The following CDH13 variants were observed in gnomAD, a reference collection of about 807,000 sequenced individuals.
The protein encoded by CDH13 is cadherin 13.
In CDH13, 24 loss-of-function variants were observed where a neutral mutation model predicts 63.8. The ratio of observed to expected loss-of-function variants is 0.38; its 90% CI spans 0.27 to 0.53. CDH13 has a LOEUF of 0.53. Among genes scored for constraint, CDH13 ranks in the 20% least tolerant of loss-of-function variants. The pLI, the probability that CDH13 is intolerant of heterozygous loss-of-function variation, is 0.85. For synonymous variants in CDH13, 503 were observed against 355.3 expected (o/e 1.42, Z -4.67); for missense variants, 1,049 against 903.1 (o/e 1.16, Z -2.07).
intron 6 of CDH13, among the ~76,000 whole-genome samples, chr16:83,371,222 C>T (rs1282025483): frequency 6.6e-6 from 1 of 152,176 alleles, no homozygotes. Context: ...CATAAAGATG[C>T]CTGTACTTTT....
At chr16:82,805,656 C>T (rs1044236673) in intron 1 of CDH13, among the ~76,000 whole-genome samples, 2 of 152,118 alleles carry the variant, frequency 1.3e-5, no homozygotes, top group African/African-American at 4.8e-5. Context: ...TAAAAATCTA[C>T]TTTGGAGACT....
intron 1 of CDH13, among the ~76,000 whole-genome samples, chr16:82,816,533 A>G (rs1178602447): frequency 6.6e-6 from 1 of 152,104 alleles, no homozygotes; most frequent in African/African-American, 2.4e-5. Context: ...TGAGGCATCA[A>G]CATTTGAGCT....
At chr16:83,518,864 C>T (rs1189944936) in intron 7 of CDH13, among the ~76,000 whole-genome samples, 1 of 152,166 alleles carries the variant, frequency 6.6e-6, no homozygotes, top group African/African-American at 2.4e-5. Context: ...CCCCTTTCAC[C>T]ATGATTGTAC....
At chr16:83,276,427 A>G (rs1289619839) in intron 5 of CDH13, among the ~76,000 whole-genome samples, 2 of 151,972 alleles carry the variant, frequency 1.3e-5, no homozygotes, top group African/African-American at 4.8e-5. Context: ...CCTCTCAAAC[A>G]CCTTTGAGTT....
chr16:83,184,115 C>T (rs182962951), intron 4 of CDH13, among the ~76,000 whole-genome samples: 15 of 147,640 alleles, frequency 1.0e-4, no homozygotes, highest in African/African-American at 2.8e-4. Context: ...CACACACACA[C>T]ACACACACAC....
chr16:83,542,075 G>A (rs1321330244), intron 7 of CDH13, among the ~76,000 whole-genome samples: 1 of 152,188 alleles, frequency 6.6e-6, no homozygotes, highest in Non-Finnish European at 1.5e-5. Context: ...TCACCCCAGA[G>A]CTTGCTAGAA....
At chr16:83,277,595 CCT>C (rs1330752078) in intron 5 of CDH13, among the ~76,000 whole-genome samples, 17 of 152,052 alleles carry the variant, frequency 1.1e-4, no homozygotes, top group Non-Finnish European at 2.2e-4. Context: ...TGCGTTCATC[CCT>C]CTCATATCTC....
chr16:82,706,748 G>C lies in CDH13; in HGVS notation c.45+79611G>C, dbSNP rs11865324. ...GAACCCAGGAGACGGAGGTTGCGGTGAGCTGAGATCATGCCGCTGTACTCC... is the reference window on the plus strand; with the variant it reads ...GAACCCAGGAGACGGAGGTTGCGGTCAGCTGAGATCATGCCGCTGTACTCC... On this transcript the variant is annotated intron_variant, in intron 1 of 13. Coordinates refer to ENST00000567109, the MANE Select transcript of CDH13 (RefSeq NM_001257.5). Among the ~76,000 whole-genome samples the C allele has an allele frequency of 4.7e-3, 711 of 151,988 alleles. 5 individuals carry two copies. Among genetic ancestry groups the C allele is most frequent in the African/African-American group, 0.015 (610 of 41,434 alleles).
At chr16:83,026,293 G>A in intron 2 of CDH13, among the ~76,000 whole-genome samples, 1 of 152,154 alleles carries the variant, frequency 6.6e-6, no homozygotes, top group East Asian at 1.9e-4. Flanking sequence ...CCAGAGCTTG[G>A]GCTGTAGAGG....
chr16:82,821,310 A>G (rs952145993), intron 1 of CDH13, among the ~76,000 whole-genome samples: 1 of 152,206 alleles, frequency 6.6e-6, no homozygotes, highest in Non-Finnish European at 1.5e-5. Context: ...TCTTTCCAAG[A>G]GGAAATTGTC....
At chr16:83,264,538 G>A (rs1217526538) in intron 5 of CDH13, among the ~76,000 whole-genome samples, 1 of 99,582 alleles carries the variant, frequency 1.0e-5, no homozygotes, top group Non-Finnish European at 2.0e-5. Flanking sequence ...GTATATGTGT[G>A]TGTATATATA....
chr16:83,184,932 A>AT (rs66615885), intron 4 of CDH13, among the ~76,000 whole-genome samples: 1 of 149,952 alleles, frequency 6.7e-6, no homozygotes, highest in African/African-American at 2.5e-5. Context: ...GTAGCAGCTT[A>AT]TTTTTTTTCT....
chr16:83,506,603 T>C (rs1047437251), intron 7 of CDH13, among the ~76,000 whole-genome samples: 1 of 152,226 alleles, frequency 6.6e-6, no homozygotes, highest in Non-Finnish European at 1.5e-5. Context: ...CCAGTGATTC[T>C]CACCTCATGG....
At chr16:83,704,683 A>G (rs1355644879) in intron 10 of CDH13, among the ~76,000 whole-genome samples, 3 of 152,206 alleles carry the variant, frequency 2.0e-5, no homozygotes, top group Admixed American at 2.0e-4. Flanking sequence ...AATTGAATTT[A>G]AGCTCTGATA....
At chr16:83,691,926 C>T (rs1377038439) in intron 10 of CDH13, among the ~76,000 whole-genome samples, 1 of 152,164 alleles carries the variant, frequency 6.6e-6, no homozygotes, top group Non-Finnish European at 1.5e-5. Flanking sequence ...TAGATCACCC[C>T]TCATTTCACA....
chr16:83,336,782 G>A (rs73597903), intron 5 of CDH13, among the ~76,000 whole-genome samples: 57 of 152,304 alleles, frequency 3.7e-4, no homozygotes, highest in African/African-American at 1.2e-3. Flanking sequence ...TGGACTGTGT[G>A]TCATGCTTTG....
chr16:83,487,992 A>G (rs1249716776), intron 7 of CDH13, among the ~76,000 whole-genome samples: 1 of 152,174 alleles, frequency 6.6e-6, no homozygotes, highest in African/African-American at 2.4e-5. Context: ...AGCAGTTGGC[A>G]TGTGCTAATT....
At chr16:83,462,905 C>A (rs1439257646) in intron 6 of CDH13, among the ~76,000 whole-genome samples, 1 of 152,132 alleles carries the variant, frequency 6.6e-6, no homozygotes, top group Non-Finnish European at 1.5e-5. Flanking sequence ...CTGGTGGCCT[C>A]TGAGCCATTG....
intron 2 of CDH13, among the ~76,000 whole-genome samples, chr16:82,967,997 A>G (rs1180828413): frequency 6.6e-6 from 1 of 152,186 alleles, no homozygotes; most frequent in East Asian, 1.9e-4. Context: ...AAAATATTTT[A>G]CCATTATGGT....
Sources: gnomAD v4.1 joint callset for allele counts (sites outside exome capture counted in the v4.1 genomes callset) on GRCh38, gnomAD v4.1.1 for gene constraint, MANE v1.5 for transcripts, NCBI Gene and HGNC (gene_info 2026-07-23, HGNC 2026-07-21) for gene names.